Variants in CABP1 observed in about 807,000 individuals in gnomAD.
CABP1 encodes calcium binding protein 1.
In CABP1, 17 loss-of-function variants were observed where a neutral mutation model predicts 34.3. The observed-to-expected ratio is 0.50, with a 90% CI of 0.34 to 0.74. The LOEUF is 0.74. Among genes scored for constraint, CABP1 ranks in the 30% least tolerant of loss-of-function variants. The pLI, the probability that CABP1 is intolerant of heterozygous loss-of-function variation, is 0.01. For missense variants in CABP1, 373 were observed against 511.1 expected (o/e 0.73, Z 2.61); for synonymous variants, 198 against 229.2 (o/e 0.86, Z 1.23).
At chr12:120,651,329 C>T (rs1418239918) in intron 1 of CABP1, among the ~76,000 whole-genome samples, 2 of 152,186 alleles carry the variant, frequency 1.3e-5, no homozygotes, top group East Asian at 3.8e-4. Flanking sequence ...AAGTCACTTT[C>T]TGTGGTGGCT....
At chr12:120,643,560 T>C (rs1281698226) in intron 1 of CABP1, among the ~76,000 whole-genome samples, 1 of 152,224 alleles carries the variant, frequency 6.6e-6, no homozygotes, top group African/African-American at 2.4e-5. Flanking sequence ...TTAACTTAAG[T>C]GAATTGCTTA....
intron 1 of CABP1, among the ~76,000 whole-genome samples, chr12:120,653,100 A>T (rs1157348603): frequency 6.6e-6 from 1 of 152,176 alleles, no homozygotes; most frequent in Non-Finnish European, 1.5e-5. Context: ...TCCATTCTTC[A>T]TGGGAGCAAA....
intron 1 of CABP1, chr12:120,650,322 C>G (rs773603959): frequency 2.2e-6 from 1 of 460,186 alleles, no homozygotes; most frequent in African/African-American, 2.0e-5. Context: ...CCTCTGCCAT[C>G]AGCTCTCCAG....
Position 120,660,825 on chromosome 12 carries a change from A to T in CABP1, c.924A>T (p.Arg308=), listed in dbSNP as rs753621687. The change falls in exon 4 of 6, where the codon CGA becomes CGT. Residue 308 remains arginine, a synonymous_variant. Coordinates refer to ENST00000316803, the MANE Select transcript of CABP1 (RefSeq NM_001033677.2). This position sits in a 1 kb window ranked among gnomAD's most constrained non-coding sequence, Gnocchi z 5.0. ...ATATGATTGGTGTAAAGGAACTGCGAGATGCTTTCCGAGAGGTAACGGACA... is the reference window on the plus strand; with the variant it reads ...ATATGATTGGTGTAAAGGAACTGCGTGATGCTTTCCGAGAGGTAACGGACA... ...TADMIGVKEL[R]DAFREFDTNG... is the part of the protein sequence containing the mutation. 6.2e-7 allele frequency: 1 copy of T among 1,612,688 alleles called. No homozygotes were observed. Among genetic ancestry groups the T allele is most frequent in the South Asian group, 1.1e-5 (1 of 91,060 alleles).
chr12:120,647,296 T>C (rs1879583271), intron 1 of CABP1, among the ~76,000 whole-genome samples: 1 of 152,114 alleles, frequency 6.6e-6, no homozygotes, highest in African/African-American at 2.4e-5. Context: ...GGAGGTGCTA[T>C]TAGAATCCCT....
chr12:120,642,502 C>T (rs545890722), intron 1 of CABP1, among the ~76,000 whole-genome samples: 5 of 152,264 alleles, frequency 3.3e-5, no homozygotes, highest in South Asian at 2.1e-4. Flanking sequence ...ATTTGGGTTG[C>T]GTGGTGCTGC....
At chr12:120,655,891 C>T (rs759908451) in intron 1 of CABP1, 43 of 1,536,152 alleles carry the variant, frequency 2.8e-5, no homozygotes, top group African/African-American at 1.9e-4. Context: ...CAGCTCTCCC[C>T]GGAACCACCA....
chr12:120,647,560 C>CTTTTTT (rs10557275), intron 1 of CABP1, among the ~76,000 whole-genome samples: 15 of 75,654 alleles, frequency 2.0e-4, no homozygotes, highest in African/African-American at 2.6e-4. Flanking sequence ...CAGTCCAAGC[C>CTTTTTT]TTTTTTTTTT....
At chr12:120,654,100 G>A (rs1270430276) in intron 1 of CABP1, among the ~76,000 whole-genome samples, 5 of 152,192 alleles carry the variant, frequency 3.3e-5, no homozygotes, top group South Asian at 2.1e-4. Flanking sequence ...GAGTGAAGCC[G>A]AGGCTCTGAA....
intron 1 of CABP1, among the ~76,000 whole-genome samples, chr12:120,645,106 G>T (rs1391849904): frequency 6.6e-6 from 1 of 152,106 alleles, no homozygotes; most frequent in African/African-American, 2.4e-5. Flanking sequence ...CGCCCGGCCA[G>T]TTCCTGTGGT....
At position 120,641,373 on chromosome 12, in the gene CABP1, A is replaced by G; in HGVS notation, c.654+34A>G. 1 of 1,254,846 alleles carries G rather than the reference A, an allele frequency of 8.0e-7. No homozygotes were observed. The highest frequency in any genetic ancestry group is 3.0e-5 in the South Asian group (1 of 33,040). 77.7% of individuals were successfully genotyped at this position (1,254,846 alleles called of 1,614,324 possible). ...CGCGCCTCCCGTCAGCGCTCCCGGG[A>G]AAGGCGCTCGGGACCCTGCCGGCCG... On this transcript the variant is annotated intron_variant, in intron 1 of 5. Coordinates refer to ENST00000316803, the MANE Select transcript of CABP1 (RefSeq NM_001033677.2). This position sits in a 1 kb window ranked among gnomAD's most constrained non-coding sequence, Gnocchi z 6.7.
chr12:120,660,234 G>C lies in CABP1; in HGVS notation c.724G>C (p.Asp242His). 1 of 1,614,096 alleles carries C rather than the reference G, an allele frequency of 6.2e-7. No homozygotes were observed. Among genetic ancestry groups the C allele is most frequent in the Non-Finnish European group, 8.5e-7 (1 of 1,179,994 alleles). ...EAFREFDKDK[D>H]GYINCRDLGN... Reference sequence around the variant, plus strand: ...CTTCAGAGAATTCGACAAGGACAAGGATGGCTACATCAACTGCCGGGATCT... The same window carrying C: ...CTTCAGAGAATTCGACAAGGACAAGCATGGCTACATCAACTGCCGGGATCT... The change falls in exon 3 of 6, where the codon GAT (aspartate) becomes CAT (histidine). Residue 242 changes from aspartate (D) to histidine (H), a missense_variant. Asp to His is a moderately conservative substitution (Grantham distance 81, BLOSUM62 -1). This residue lies in a region of CABP1 where 109 missense variants were observed against 204.8 expected (regional missense o/e 0.53). Coordinates refer to ENST00000316803, the MANE Select transcript of CABP1 (RefSeq NM_001033677.2). This position sits in a 1 kb window ranked among gnomAD's most constrained non-coding sequence, Gnocchi z 5.0.
intron 1 of CABP1, among the ~76,000 whole-genome samples, chr12:120,649,747 G>C (rs1446981231): frequency 6.6e-6 from 1 of 152,148 alleles, no homozygotes; most frequent in Non-Finnish European, 1.5e-5. Flanking sequence ...ATTGCACACA[G>C]AGCAGAAGGA....
intron 1 of CABP1, among the ~76,000 whole-genome samples, chr12:120,658,147 G>A (rs929616483): frequency 7.3e-6 from 1 of 137,750 alleles, no homozygotes; most frequent in Non-Finnish European, 1.5e-5. Flanking sequence ...AGGTGGAAGT[G>A]CAGTGGTGCA....
chr12:120,644,006 C>T (rs748518851), intron 1 of CABP1, among the ~76,000 whole-genome samples: 1 of 152,336 alleles, frequency 6.6e-6, no homozygotes, highest in South Asian at 2.1e-4. Context: ...TGAAAACTCT[C>T]CCAGTGACCT....
At chr12:120,663,507 C>A (rs1201022354) in intron 5 of CABP1, among the ~76,000 whole-genome samples, 2 of 152,094 alleles carry the variant, frequency 1.3e-5, no homozygotes, top group African/African-American at 2.4e-5. Flanking sequence ...AACTCCTGGC[C>A]TCAAGTGATC....
intron 1 of CABP1, among the ~76,000 whole-genome samples, chr12:120,656,447 AATG>A (rs34289517): frequency 1.8e-4 from 28 of 151,456 alleles, no homozygotes; most frequent in African/African-American, 6.8e-4. Flanking sequence ...CGAGCAAAAT[AATG>A]ATGATGATAA....
chr12:120,669,242 G>C (rs895811365), downstream of CABP1, among the ~76,000 whole-genome samples: 1 of 152,218 alleles, frequency 6.6e-6, no homozygotes, highest in Non-Finnish European at 1.5e-5. Context: ...ACGTTCCCGA[G>C]GTCAGTGGGG....
Position 120,660,723 on chromosome 12 carries a change from T to C in CABP1, c.830-8T>C. 2 of 1,601,528 alleles carry C rather than the reference T, an allele frequency of 1.2e-6. No homozygotes were observed. The highest frequency in any genetic ancestry group is 1.7e-6 in the Non-Finnish European group (2 of 1,168,586). On this transcript the variant is annotated splice_region_variant and splice_polypyrimidine_tract_variant and intron_variant, in intron 3 of 5. Transcript: ENST00000316803. This position sits in a 1 kb window ranked among gnomAD's most constrained non-coding sequence, Gnocchi z 5.0. ...CGGGGATGACCTAGCCCTTTCCTCC[T>C]TTTCCAGTGGGTGGCCATGTAGATT...
Sources: gnomAD v4.1 joint callset for allele counts (sites outside exome capture counted in the v4.1 genomes callset) on GRCh38, gnomAD v4.1.1 for gene constraint, gnomAD v4.1.1 regional missense constraint, Gnocchi (gnomAD v3.1) non-coding constraint, MANE v1.5 for transcripts, NCBI Gene and HGNC (gene_info 2026-07-23, HGNC 2026-07-21) for gene names.